KCNQ1: variants seen among roughly 807,000 people sequenced by gnomAD.
The protein encoded by KCNQ1 is potassium voltage-gated channel subfamily KQT member 1.
In KCNQ1, 49 loss-of-function variants were observed where a neutral mutation model predicts 72.4. That is an observed-to-expected ratio of 0.68 (90% confidence interval 0.54 to 0.86). The LOEUF (loss-of-function observed/expected upper bound fraction) is 0.86, where lower values mean the gene tolerates loss of function less well. Among genes scored for constraint, KCNQ1 ranks in the 40% least tolerant of loss-of-function variants. The probability of loss-of-function intolerance (pLI) is 0.00; values close to 1 mark genes in which losing one functional copy is unlikely to be tolerated. For missense variants in KCNQ1, 790 were observed against 945.1 expected, an observed-to-expected ratio of 0.84 and a Z score of 2.15; for synonymous variants, 450 against 412.6, an observed-to-expected ratio of 1.09 and a Z score of -1.10.
intron 4 of KCNQ1, 100 bp downstream of exon 4, chr11:2,571,503 CA>C: frequency 1.0e-6 from 1 of 979,740 alleles, no homozygotes; most frequent in South Asian, 1.3e-5. Context: ...TGCTCAGATG[CA>C]AGGTGCCTTG....
At chr11:2,741,157 G>T (rs1264841152) in intron 11 of KCNQ1, among the ~76,000 whole-genome samples, 1 of 152,216 alleles carries the variant, frequency 6.6e-6, no homozygotes, top group African/African-American at 2.4e-5. Flanking sequence ...TCTCTGGTGA[G>T]TCTCAGACAG....
chr11:2,627,423 C>T lies in KCNQ1; in HGVS notation c.1394-34538C>T, dbSNP rs908135456. 5 of 398,358 alleles carry T rather than the reference C, an allele frequency of 1.3e-5. No homozygotes were observed. The highest frequency in any genetic ancestry group is 1.8e-5 in the Non-Finnish European group (4 of 226,024). The allele number at this position is 398,358 out of a possible 1,614,324, so 24.7% of individuals were successfully genotyped here. A position where few individuals can be genotyped will look rare whatever the true frequency, so the allele number is the denominator to read the frequency against. The stretch of plus-strand genomic sequence containing the variant: ...TGTCAAGAACTTATTCATCTGATAA[C>T]TCTATGTTTGTACCCTTCAACATTT... On this transcript the variant is annotated intron_variant, in intron 10 of 15. Coordinates refer to ENST00000155840, the MANE Select transcript of KCNQ1 (RefSeq NM_000218.3). The surrounding 1 kb of genome is among the most constrained non-coding windows in gnomAD (Gnocchi z 4.9).
intron 2 of KCNQ1, among the ~76,000 whole-genome samples, chr11:2,555,914 A>C (rs544301281): frequency 5.4e-4 from 82 of 152,312 alleles, no homozygotes; most frequent in African/African-American, 1.7e-3. Flanking sequence ...GAGAAGCTTC[A>C]GGCCCTGAGG....
chr11:2,776,196 C>T lies in KCNQ1; in HGVS notation c.1685+142C>T, dbSNP rs1436726103. 1.1e-5 allele frequency: 8 copies of T among 732,410 alleles called. No individual in the cohort carries two copies. The East Asian group carries it at 2.2e-4, about 20-fold the overall frequency. The allele number at this position is 732,410 out of a possible 1,614,324, so 45.4% of individuals were successfully genotyped here. On this transcript the variant is annotated intron_variant, in intron 13 of 15. Coordinates refer to ENST00000155840, the MANE Select transcript of KCNQ1 (RefSeq NM_000218.3). ...CAACCACCCCCTTCTCCTCACCACC[C>T]CCAGCCCTGCAGAGGGAGGGCAGCT...
At chr11:2,469,187 C>T (rs1223382059) in intron 1 of KCNQ1, among the ~76,000 whole-genome samples, 1 of 152,096 alleles carries the variant, frequency 6.6e-6, no homozygotes, top group African/African-American at 2.4e-5. Context: ...AGTTGTTGTC[C>T]ACATATCTTC....
At chr11:2,469,948 C>G (rs1175086079) in intron 1 of KCNQ1, among the ~76,000 whole-genome samples, 1 of 152,218 alleles carries the variant, frequency 6.6e-6, no homozygotes, top group Non-Finnish European at 1.5e-5. Context: ...GCATGAGCCA[C>G]CACGCCCGGC....
chr11:2,719,008 G>A (rs911781344), intron 11 of KCNQ1, among the ~76,000 whole-genome samples: 4 of 152,244 alleles, frequency 2.6e-5, no homozygotes, highest in African/African-American at 7.2e-5. Context: ...AGGGACCATA[G>A]ACCACAGATA....
At position 2,632,247 on chromosome 11, in the gene KCNQ1, T is replaced by A. The variant is rs1849370511; in HGVS notation, c.1394-29714T>A. The A allele has an allele frequency of 1.0e-5, 4 of 398,274 alleles. No homozygotes were observed. In the East Asian group the frequency reaches 1.4e-4, roughly 14 times the overall value. The allele number at this position is 398,274 out of a possible 1,614,324, so 24.7% of individuals were successfully genotyped here. ...GTGTACTGACTTACTATCCTGCTAC[T>A]TTGCTGAATTAATTTATTCAGTTTT... On this transcript the variant is annotated intron_variant, in intron 10 of 15. Coordinates refer to ENST00000155840, the MANE Select transcript of KCNQ1 (RefSeq NM_000218.3).
Position 2,460,315 on chromosome 11 carries a change from C to T in KCNQ1, c.386+14831C>T, listed in dbSNP as rs547888871. On this transcript the variant is annotated intron_variant, in intron 1 of 15. Transcript: ENST00000155840. ...CATTTCTCTGGCTGGACAGATACTG[C>T]GCCCATATCCCTGGTCTTTCAAAGG... 5.3e-5 allele frequency among the ~76,000 whole-genome samples: 8 copies of T among 152,330 alleles called. No individual in the cohort carries two copies. In the South Asian group the frequency reaches 6.2e-4, roughly 12 times the overall value.
Position 2,768,954 on chromosome 11 carries a change from T to C in KCNQ1, c.1590+35T>C. ...GTGCTGAGCCTTCCTGCCCTCAGCC[T>C]GCCCCTCGCAGCCTGATGCAGCTGC... is the stretch of plus-strand genomic sequence containing the variant. On this transcript the variant is annotated intron_variant, in intron 12 of 15. Coordinates refer to ENST00000155840, the MANE Select transcript of KCNQ1 (RefSeq NM_000218.3). This position sits in a 1 kb window ranked among gnomAD's most constrained non-coding sequence, Gnocchi z 6.7. 1 of 1,544,308 alleles carries C rather than the reference T, an allele frequency of 6.5e-7. No homozygotes were observed. The highest frequency in any genetic ancestry group is 9.0e-7 in the Non-Finnish European group (1 of 1,116,926).
chr11:2,526,764 G>A lies in KCNQ1; in HGVS notation c.387-1164G>A, dbSNP rs1259498641. Reference sequence around the variant, plus strand: ...TTCAGGAGGCTGGATGAGAGGCAATGCAGGGGGCCTTCTGGCTGTCCTGGG... The same window carrying A: ...TTCAGGAGGCTGGATGAGAGGCAATACAGGGGGCCTTCTGGCTGTCCTGGG... On this transcript the variant is annotated intron_variant, in intron 1 of 15. Transcript: ENST00000155840. The surrounding 1 kb of genome is among the most constrained non-coding windows in gnomAD (Gnocchi z 6.1). Among the ~76,000 whole-genome samples the A allele has an allele frequency of 6.6e-6, 1 of 152,098 alleles. No individual in the cohort carries two copies. Among genetic ancestry groups the A allele is most frequent in the African/African-American group, 2.4e-5 (1 of 41,408 alleles).
In KCNQ1 at chr11:2,461,549, C is replaced by T. The variant is rs187211665; in HGVS notation, c.386+16065C>T. On this transcript the variant is annotated intron_variant, in intron 1 of 15. Transcript: ENST00000155840. ...CTGGAGTGTAGGATGGCACTGGTGCCGGGCCTGGATTTACTCAGCCCAGAT... is the reference window on the plus strand; with the variant it reads ...CTGGAGTGTAGGATGGCACTGGTGCTGGGCCTGGATTTACTCAGCCCAGAT... The T allele has an allele frequency of 6.4e-4, 866 of 1,350,402 alleles. 4 individuals are homozygous for T. The African/African-American group carries it at 0.01, about 16-fold the overall frequency. 83.7% of individuals were successfully genotyped at this position (1,350,402 alleles called of 1,614,324 possible).
chr11:2,517,441 G>A (rs951124495), intron 1 of KCNQ1, among the ~76,000 whole-genome samples: 4 of 152,158 alleles, frequency 2.6e-5, no homozygotes, highest in Non-Finnish European at 5.9e-5. Flanking sequence ...TGGATTTGGG[G>A]CGCGTTCCCC....
chr11:2,835,328 T>C (rs1848037375), intron 15 of KCNQ1, among the ~76,000 whole-genome samples: 1 of 151,838 alleles, frequency 6.6e-6, no homozygotes, highest in Non-Finnish European at 1.5e-5. Context: ...GGGGTTCTGC[T>C]CCCATATTCC....
At chr11:2,662,910 G>A (rs977796964) in intron 11 of KCNQ1, 26 of 398,680 alleles carry the variant, frequency 6.5e-5, no homozygotes, top group African/African-American at 3.7e-4. Flanking sequence ...TGGGGGTCAG[G>A]AGGTTGTCCT....
chr11:2,666,085 C>T (rs1455565518), intron 11 of KCNQ1: 1 of 398,576 alleles, frequency 2.5e-6, no homozygotes, highest in African/African-American at 2.1e-5. Context: ...CAGCCTATGG[C>T]TCTGCCCAGC....
intron 11 of KCNQ1, among the ~76,000 whole-genome samples, chr11:2,722,987 C>T (rs958274392): frequency 6.6e-6 from 1 of 152,210 alleles, no homozygotes; most frequent in Non-Finnish European, 1.5e-5. Context: ...TGGGGTGCCT[C>T]GGGGCAGGCT....
chr11:2,670,385 T>C lies in KCNQ1; in HGVS notation c.1514+8304T>C. The stretch of plus-strand genomic sequence containing the variant: ...GTATAGGCTGAAATTCCAAGAGCAT[T>C]AACCAGACACCTACTATGTGTATTT... On this transcript the variant is annotated intron_variant, in intron 11 of 15. Transcript: ENST00000155840. This position sits in a 1 kb window ranked among gnomAD's most constrained non-coding sequence, Gnocchi z 4.9. The C allele has an allele frequency of 2.5e-6, 1 of 398,364 alleles. No individual in the cohort carries two copies. The highest frequency in any genetic ancestry group is 4.4e-5 in the Admixed American group (1 of 22,718). 24.7% of individuals were successfully genotyped at this position (398,364 alleles called of 1,614,324 possible). A position where few individuals can be genotyped will look rare whatever the true frequency, so the allele number is the denominator to read the frequency against.
intron 1 of KCNQ1, among the ~76,000 whole-genome samples, chr11:2,453,055 A>T (rs193166649): frequency 6.6e-6 from 1 of 152,356 alleles, no homozygotes; most frequent in Admixed American, 6.5e-5. Context: ...CGTGGAGGAG[A>T]TTTATGTGTT....
Sources: gnomAD v4.1 joint callset for allele counts (sites outside exome capture counted in the v4.1 genomes callset) on GRCh38, gnomAD v4.1.1 for gene constraint, Gnocchi (gnomAD v3.1) non-coding constraint, MANE v1.5 for transcripts, NCBI Gene and HGNC (gene_info 2026-07-23, HGNC 2026-07-21) for gene names.